VSIG10: variants seen among roughly 807,000 people sequenced by gnomAD.
VSIG10 encodes the protein V-set and immunoglobulin domain-containing protein 10.
A neutral mutation model predicts 58.7 loss-of-function variants in VSIG10; 48 were observed. That is an observed-to-expected ratio of 0.82 (90% confidence interval 0.65 to 1.04). VSIG10 has a LOEUF of 1.04. Ranked by LOEUF, VSIG10 falls within the 50% of genes least tolerant of loss-of-function variation. VSIG10 has a pLI of 0.00. For missense variants in VSIG10, 628 were observed against 670.0 expected (o/e 0.94, Z 0.69); for synonymous variants, 260 against 267.1 (o/e 0.97, Z 0.26).
At position 118,065,504 on chromosome 12, in the gene VSIG10, C is replaced by T. The variant is rs2032216155; in HGVS notation, c.*1135G>A. 6.6e-6 allele frequency: 1 copy of T among 152,166 alleles called. No individual in the cohort carries two copies. The highest frequency in any genetic ancestry group is 2.4e-5 in the African/African-American group (1 of 41,420). The allele number at this position is 152,166 out of a possible 1,614,324, so 9.4% of individuals were successfully genotyped here. A position where few individuals can be genotyped will look rare whatever the true frequency, so the allele number is the denominator to read the frequency against. On this transcript the variant is annotated 3_prime_UTR_variant, in exon 9 of 9. Coordinates refer to ENST00000359236, the MANE Select transcript of VSIG10 (RefSeq NM_019086.6). The stretch of plus-strand genomic sequence containing the variant: ...GTGCTCTGATATGCTTAGTTTAGTT[C>T]CTTCATCCAAGAAAACAGACCTTCC...
At chr12:118,082,019 A>T (rs1413260400) in intron 3 of VSIG10, 108 bp downstream of exon 3, 2 of 413,808 alleles carry the variant, frequency 4.8e-6, no homozygotes, top group Non-Finnish European at 6.6e-6. Context: ...CTCCATCTTA[A>T]AAAAAAAAAA....
intron 2 of VSIG10, among the ~76,000 whole-genome samples, chr12:118,084,929 G>A (rs1364979739): frequency 6.6e-6 from 1 of 152,188 alleles, no homozygotes; most frequent in Admixed American, 6.5e-5. Context: ...TGAGGCAGGA[G>A]AATGGTGTGA....
intron 7 of VSIG10, among the ~76,000 whole-genome samples, chr12:118,069,336 C>T (rs541017096): frequency 1.3e-5 from 2 of 152,064 alleles, no homozygotes; most frequent in African/African-American, 4.8e-5. Context: ...GTGATCCAAC[C>T]ACCTTGGCCT....
At chr12:118,073,651 T>C (rs750840423) in intron 5 of VSIG10, 48 bp downstream of exon 5, 131 of 1,547,154 alleles carry the variant, frequency 8.5e-5, no homozygotes, top group Non-Finnish European at 1.1e-4. Flanking sequence ...TGCTGGGTGC[T>C]CTGAAGCTCT....
At chr12:118,092,124 T>C (rs1308096713) in intron 2 of VSIG10, among the ~76,000 whole-genome samples, 1 of 152,122 alleles carries the variant, frequency 6.6e-6, no homozygotes, top group Non-Finnish European at 1.5e-5. Flanking sequence ...AGTGGCACCA[T>C]CTTGGCTCAC....
At chr12:118,071,201 G>A (rs192553052) in intron 6 of VSIG10, 134 bp from the exon 7 acceptor site, 34 of 1,220,076 alleles carry the variant, frequency 2.8e-5, no homozygotes, top group Admixed American at 1.4e-4. Flanking sequence ...AGGGTGTCCC[G>A]GGATGGTACT....
At chr12:118,102,624 C>G (rs1343702057) in intron 1 of VSIG10, 2 of 152,046 alleles carry the variant, frequency 1.3e-5, no homozygotes, top group Non-Finnish European at 2.9e-5. Context: ...ATTGTATGAG[C>G]CTAATAATTA....
At position 118,082,242 on chromosome 12, in the gene VSIG10, G is replaced by C. The variant is rs1442648912; in HGVS notation, c.549C>G (p.Val183=). ...ATATCAGTAACAGTGAGAAAAAGTT[G>C]ACTGTCAGGTTGTGGCCAAAGGACT... ...SSESFGHNLT[V]NFFSLLLISP... is the part of the protein sequence containing the mutation. Residue 183 remains valine (V), a synonymous_variant, in exon 3 of 9, where the codon GTC becomes GTG. Transcript: ENST00000359236. The C allele has an allele frequency of 1.2e-6, 2 of 1,613,972 alleles. No individual in the cohort carries two copies. Among genetic ancestry groups the C allele is most frequent in the South Asian group, 2.2e-5 (2 of 91,076 alleles).
intron 2 of VSIG10, among the ~76,000 whole-genome samples, chr12:118,083,661 G>T (rs2033035179): frequency 6.6e-6 from 1 of 152,070 alleles, no homozygotes; most frequent in Admixed American, 6.6e-5. Context: ...GACTACAAGC[G>T]TATTCCACCA....
intron 1 of VSIG10, among the ~76,000 whole-genome samples, 199 bp from the exon 2 acceptor site, chr12:118,096,013 C>T (rs1419533916): frequency 6.7e-6 from 1 of 149,350 alleles, no homozygotes; most frequent in Non-Finnish European, 1.5e-5. Flanking sequence ...GCAACCTCTG[C>T]CTCCCGGGTT....
intron 2 of VSIG10, among the ~76,000 whole-genome samples, chr12:118,085,343 C>A (rs1408741934): frequency 1.3e-5 from 2 of 152,180 alleles, no homozygotes; most frequent in African/African-American, 4.8e-5. Context: ...CCAACTGAAT[C>A]CTAAGCCTCT....
At chr12:118,094,903 ATT>A (rs749324895) in intron 2 of VSIG10, among the ~76,000 whole-genome samples, 224 of 124,856 alleles carry the variant, frequency 1.8e-3, no homozygotes, top group Non-Finnish European at 3.2e-3. Flanking sequence ...TGCCTGGCGA[ATT>A]TTTTTTTTTT....
At chr12:118,069,123 G>A (rs1016653366) in intron 7 of VSIG10, among the ~76,000 whole-genome samples, 12 of 143,930 alleles carry the variant, frequency 8.3e-5, no homozygotes, top group South Asian at 2.3e-4. Context: ...AGAGTCTTGC[G>A]CTGTTGCCCA....
intron 4 of VSIG10, among the ~76,000 whole-genome samples, chr12:118,075,076 A>G (rs896737501): frequency 6.7e-6 from 1 of 150,268 alleles, no homozygotes; most frequent in African/African-American, 2.4e-5. Flanking sequence ...TATAAGAAAA[A>G]GCATAGTATA....
chr12:118,074,441 C>T (rs1348332305), intron 4 of VSIG10, among the ~76,000 whole-genome samples: 4 of 151,190 alleles, frequency 2.6e-5, no homozygotes, highest in Non-Finnish European at 5.9e-5. Context: ...TGGTTGACTA[C>T]AGTCCAAAAA....
At chr12:118,099,345 C>T (rs1293243511) in intron 1 of VSIG10, among the ~76,000 whole-genome samples, 2 of 151,884 alleles carry the variant, frequency 1.3e-5, no homozygotes, top group African/African-American at 4.8e-5. Context: ...ACTATGTTGC[C>T]CAGGCTGGTC....
At chr12:118,075,986 T>C (rs1329397251) in intron 4 of VSIG10, among the ~76,000 whole-genome samples, 1 of 152,218 alleles carries the variant, frequency 6.6e-6, no homozygotes, top group Non-Finnish European at 1.5e-5. Context: ...AACTGGCTAC[T>C]GTATCCATAA....
At chr12:118,073,650 C>T (rs777345367) in intron 5 of VSIG10, 49 bp downstream of exon 5, 2 of 1,545,574 alleles carry the variant, frequency 1.3e-6, no homozygotes, top group Non-Finnish European at 1.8e-6. Context: ...ATGCTGGGTG[C>T]TCTGAAGCTC....
At chr12:118,076,902 T>C (rs2032749855) in intron 4 of VSIG10, among the ~76,000 whole-genome samples, 1 of 151,946 alleles carries the variant, frequency 6.6e-6, no homozygotes, top group South Asian at 2.1e-4. Context: ...TAAGCTATCC[T>C]CCTGCCTCTG....
Sources: gnomAD v4.1 joint callset for allele counts (sites outside exome capture counted in the v4.1 genomes callset) on GRCh38, gnomAD v4.1.1 for gene constraint, MANE v1.5 for transcripts, NCBI Gene and HGNC (gene_info 2026-07-23, HGNC 2026-07-21) for gene names.